The following PPP2R2C variants were observed in gnomAD, a reference collection of about 807,000 sequenced individuals.
PPP2R2C encodes the protein protein phosphatase 2, regulatory subunit B, gamma.
PPP2R2C carries 10 observed loss-of-function variants against 45.3 expected under a neutral mutation model. That is an observed-to-expected ratio of 0.22 (90% CI 0.14 to 0.37). PPP2R2C has a LOEUF of 0.37. PPP2R2C is among the 10% of genes least tolerant of loss of function. The probability of loss-of-function intolerance (pLI) is 1.00; values close to 1 mark genes in which losing one functional copy is unlikely to be tolerated. For missense variants in PPP2R2C, 308 were observed against 619.7 expected (o/e 0.50, Z 5.34); for synonymous variants, 257 against 245.4 (o/e 1.05, Z -0.44).
intron 2 of PPP2R2C, among the ~76,000 whole-genome samples, chr4:6,508,689 C>A (rs997888529): frequency 2.0e-5 from 3 of 152,156 alleles, no homozygotes; most frequent in African/African-American, 7.2e-5. Context: ...AACATGCACA[C>A]TAAGAGGCAA....
At chr4:6,461,335 G>C (rs1314925121) in intron 1 of PPP2R2C, among the ~76,000 whole-genome samples, 1 of 152,192 alleles carries the variant, frequency 6.6e-6, no homozygotes, top group Admixed American at 6.5e-5. Flanking sequence ...ATGTGGCAAA[G>C]ATGGCAAGAC....
intron 1 of PPP2R2C, among the ~76,000 whole-genome samples, chr4:6,432,294 C>T (rs1054237158): frequency 2.6e-5 from 4 of 152,198 alleles, no homozygotes; most frequent in Non-Finnish European, 5.9e-5. Flanking sequence ...AGAAACAAGT[C>T]GGAGGAGGCC....
At chr4:6,479,985 A>G (rs1321904156) in intron 2 of PPP2R2C, among the ~76,000 whole-genome samples, 1 of 152,112 alleles carries the variant, frequency 6.6e-6, no homozygotes, top group Non-Finnish European at 1.5e-5. Flanking sequence ...AGCTGGGACT[A>G]CACACACAAG....
intron 1 of PPP2R2C, chr4:6,383,440 C>T: frequency 3.1e-6 from 4 of 1,288,880 alleles, no homozygotes; most frequent in Non-Finnish European, 4.0e-6. Flanking sequence ...TCTCCACCTG[C>T]TTATTCCCCT....
At position 6,355,519 on chromosome 4, in the gene PPP2R2C, A is replaced by T. The variant is rs192694615; in HGVS notation, c.626-7509T>A. ...TGTACCCTAAAACTTAAAGTATAATAAAAAAAAGAAAAAAGAAAGCCACAG... is the reference window on the plus strand; with the variant it reads ...TGTACCCTAAAACTTAAAGTATAATTAAAAAAAGAAAAAAGAAAGCCACAG... On this transcript the variant is annotated intron_variant, in intron 5 of 8. Transcript: ENST00000382599. Among the ~76,000 whole-genome samples, 440 of 147,072 alleles carry T rather than the reference A, an allele frequency of 3.0e-3. 1 individual carries two copies. Among genetic ancestry groups the T allele is most frequent in the African/African-American group, 0.011 (425 of 36,970 alleles).
intron 1 of PPP2R2C, among the ~76,000 whole-genome samples, chr4:6,558,721 G>T (rs1725489966): frequency 6.6e-6 from 1 of 152,064 alleles, no homozygotes; most frequent in Admixed American, 6.5e-5. Context: ...CCACCATGAA[G>T]CCACACCCCA....
intron 2 of PPP2R2C, among the ~76,000 whole-genome samples, chr4:6,502,487 G>C (rs1723090974): frequency 3.3e-5 from 5 of 150,922 alleles, no homozygotes; most frequent in Admixed American, 3.3e-4. Flanking sequence ...CCCTCCCTCT[G>C]TCCCTCCCTT....
At chr4:6,528,588 A>G (rs972282680) in intron 2 of PPP2R2C, among the ~76,000 whole-genome samples, 7 of 152,156 alleles carry the variant, frequency 4.6e-5, no homozygotes, top group Admixed American at 2.0e-4. Flanking sequence ...CCAAAGCCCA[A>G]CGTATCACCC....
intron 1 of PPP2R2C, among the ~76,000 whole-genome samples, chr4:6,395,370 AC>A (rs1246735113): frequency 6.6e-6 from 1 of 152,078 alleles, no homozygotes; most frequent in Non-Finnish European, 1.5e-5. Flanking sequence ...TCAGAAACGG[AC>A]CCCGCGGGCA....
At chr4:6,478,069 C>T (rs1722224783) in intron 2 of PPP2R2C, among the ~76,000 whole-genome samples, 1 of 152,212 alleles carries the variant, frequency 6.6e-6, no homozygotes, top group African/African-American at 2.4e-5. Flanking sequence ...CCCTGTGTGC[C>T]CCGTTGCTTC....
intron 1 of PPP2R2C, among the ~76,000 whole-genome samples, chr4:6,444,343 G>A (rs898770222): frequency 3.3e-5 from 5 of 152,100 alleles, no homozygotes; most frequent in Non-Finnish European, 5.9e-5. Context: ...GCCAGGCACC[G>A]TGACCACTGT....
At chr4:6,419,836 C>A (rs1350055246) in intron 1 of PPP2R2C, among the ~76,000 whole-genome samples, 1 of 152,126 alleles carries the variant, frequency 6.6e-6, no homozygotes, top group African/African-American at 2.4e-5. Flanking sequence ...CCAATCTCTG[C>A]CTCTGTCATC....
At chr4:6,416,881 C>T (rs987921266) in intron 1 of PPP2R2C, among the ~76,000 whole-genome samples, 8 of 152,128 alleles carry the variant, frequency 5.3e-5, no homozygotes, top group Admixed American at 4.6e-4. Context: ...TTCCCCCTGT[C>T]GGGGGGAGAC....
At chr4:6,528,176 C>T (rs114553362) in intron 2 of PPP2R2C, among the ~76,000 whole-genome samples, 27 of 152,376 alleles carry the variant, frequency 1.8e-4, no homozygotes, top group African/African-American at 4.1e-4. Flanking sequence ...GGGAAGTCCT[C>T]GGCCCCTGCC....
chr4:6,376,280 G>A (rs1715293885), intron 3 of PPP2R2C, among the ~76,000 whole-genome samples: 1 of 152,202 alleles, frequency 6.6e-6, no homozygotes, highest in Admixed American at 6.5e-5. Flanking sequence ...GAACTGGGAA[G>A]AGAACTGAGA....
At chr4:6,422,576 T>A (rs537987965) in intron 1 of PPP2R2C, among the ~76,000 whole-genome samples, 17 of 152,306 alleles carry the variant, frequency 1.1e-4, no homozygotes, top group African/African-American at 3.8e-4. Flanking sequence ...GATCAAGGTG[T>A]CAGCAGGATG....
intron 3 of PPP2R2C, among the ~76,000 whole-genome samples, chr4:6,376,252 C>A (rs1160815381): frequency 6.6e-6 from 1 of 152,146 alleles, no homozygotes; most frequent in Non-Finnish European, 1.5e-5. Context: ...AAACAAATAG[C>A]ACCATGTTGA....
intron 2 of PPP2R2C, among the ~76,000 whole-genome samples, chr4:6,499,227 C>G (rs1275144634): frequency 6.6e-6 from 1 of 152,150 alleles, no homozygotes; most frequent in Non-Finnish European, 1.5e-5. Flanking sequence ...CAACTATGAG[C>G]AGCCCAGGGG....
chr4:6,383,795 T>C (rs1211402719), intron 1 of PPP2R2C: 14 of 1,024,344 alleles, frequency 1.4e-5, no homozygotes, highest in Non-Finnish European at 1.6e-5. Context: ...CGGCTTCAAA[T>C]GGTGCCTGTA....
Sources: gnomAD v4.1 joint callset for allele counts (sites outside exome capture counted in the v4.1 genomes callset) on GRCh38, gnomAD v4.1.1 for gene constraint, MANE v1.5 for transcripts, NCBI Gene and HGNC (gene_info 2026-07-23, HGNC 2026-07-21) for gene names.